Variants in BICD1 observed in about 807,000 individuals in gnomAD.
The protein encoded by BICD1 is BICD cargo adaptor 1, also known as protein bicaudal D homolog 1.
BICD1 carries 35 observed loss-of-function variants against 92.5 expected under a neutral mutation model. That is an observed-to-expected ratio of 0.38 (90% CI 0.29 to 0.50). The LOEUF is 0.50. Among genes scored for constraint, BICD1 ranks in the 20% least tolerant of loss-of-function variants. The probability of loss-of-function intolerance (pLI) is 0.93; values close to 1 mark genes in which losing one functional copy is unlikely to be tolerated. For missense variants in BICD1, 950 were observed against 1,189.8 expected (o/e 0.80, Z 2.97); for synonymous variants, 429 against 465.1 (o/e 0.92, Z 1.00).
intron 1 of BICD1, among the ~76,000 whole-genome samples, chr12:32,138,839 A>G (rs1255407186): frequency 6.6e-6 from 1 of 152,188 alleles, no homozygotes; most frequent in Non-Finnish European, 1.5e-5. Flanking sequence ...GCATCTGTAT[A>G]TGTATGTGTT....
chr12:32,197,391 T>A (rs1592458206), intron 1 of BICD1, among the ~76,000 whole-genome samples: 1 of 152,200 alleles, frequency 6.6e-6, no homozygotes, highest in Admixed American at 6.5e-5. Context: ...ATTGGCAGGG[T>A]TATGAGTTGG....
rs567735221 is a variant in BICD1 at position 32,232,512 on chromosome 12, C to T, written c.426+16053C>T. Among the ~76,000 whole-genome samples the T allele has an allele frequency of 3.1e-4, 46 of 148,474 alleles. 1 individual carries two copies. In the East Asian group the frequency reaches 8.1e-3, roughly 26 times the overall value. Reference sequence around the variant, plus strand: ...AGCCCTTTGTCAGATGAGTAGGTTGCGAAAATTTTCTCCCATTTTGTAGGT... The same window carrying T: ...AGCCCTTTGTCAGATGAGTAGGTTGTGAAAATTTTCTCCCATTTTGTAGGT... On this transcript the variant is annotated intron_variant, in intron 2 of 9. Coordinates refer to ENST00000652176, the MANE Select transcript of BICD1 (RefSeq NM_001714.4).
In BICD1 at chr12:32,297,293, C is replaced by T. The variant is rs546059585; in HGVS notation, c.579+3147C>T. On this transcript the variant is annotated intron_variant, in intron 3 of 9. Coordinates refer to ENST00000652176, the MANE Select transcript of BICD1 (RefSeq NM_001714.4). ...CTTAATCTCGGCTCACTGCAACCTC[C>T]GCCTCCTGGTCTTGTGACTCGGCCT... Among the ~76,000 whole-genome samples the T allele has an allele frequency of 2.6e-4, 40 of 152,256 alleles. No individual in the cohort carries two copies. The South Asian group carries it at 6.4e-3, about 24-fold the overall frequency.
intron 1 of BICD1, among the ~76,000 whole-genome samples, chr12:32,120,891 GAGAGAA>G (rs145032032): frequency 0.37 from 21,371 of 58,380 alleles, 2,768 homozygotes; most frequent in African/African-American, 0.55. Flanking sequence ...GAGAGAGAGA[GAGAGAA>G]AAAAAAAAGG....
At chr12:32,344,348 G>A (rs1235530120) in intron 8 of BICD1, among the ~76,000 whole-genome samples, 33 of 152,168 alleles carry the variant, frequency 2.2e-4, no homozygotes, top group South Asian at 2.1e-4. Flanking sequence ...AATAGAAAGC[G>A]AGGCTGCAAA....
intron 4 of BICD1, among the ~76,000 whole-genome samples, chr12:32,324,121 G>A (rs916059826): frequency 1.6e-5 from 2 of 128,672 alleles, no homozygotes; most frequent in Non-Finnish European, 3.5e-5. Context: ...ACGAGGTCAG[G>A]AGTTCGAGAC....
intron 2 of BICD1, among the ~76,000 whole-genome samples, chr12:32,288,289 T>C (rs1387954779): frequency 6.8e-6 from 1 of 147,836 alleles, no homozygotes; most frequent in East Asian, 2.0e-4. Flanking sequence ...TGGAGTGTAG[T>C]GGCATGATCA....
chr12:32,205,171 C>T (rs553247909), intron 1 of BICD1, among the ~76,000 whole-genome samples: 1 of 152,118 alleles, frequency 6.6e-6, no homozygotes, highest in Non-Finnish European at 1.5e-5. Flanking sequence ...GACTTGTTAA[C>T]TTTTTTGGAC....
At chr12:32,314,636 G>A (rs1948454957) in intron 4 of BICD1, among the ~76,000 whole-genome samples, 1 of 152,138 alleles carries the variant, frequency 6.6e-6, no homozygotes, top group Non-Finnish European at 1.5e-5. Context: ...TGAGTTGAAA[G>A]TGTTCTTTAC....
intron 1 of BICD1, among the ~76,000 whole-genome samples, chr12:32,138,793 G>A (rs953078971): frequency 1.3e-5 from 2 of 152,080 alleles, no homozygotes; most frequent in African/African-American, 2.4e-5. Flanking sequence ...AACTATGATG[G>A]GTTTACTAGG....
At chr12:32,333,084 TC>T (rs1425092900) in intron 5 of BICD1, 1 of 984,644 alleles carries the variant, frequency 1.0e-6, no homozygotes, top group Non-Finnish European at 1.2e-6. Flanking sequence ...TCTTCTGTTA[TC>T]CCCCATTTTA....
At chr12:32,235,497 T>G (rs1946037048) in intron 2 of BICD1, among the ~76,000 whole-genome samples, 1 of 152,104 alleles carries the variant, frequency 6.6e-6, no homozygotes, top group African/African-American at 2.4e-5. Context: ...GCCACAAAAT[T>G]AAACACAGGC....
In BICD1 at chr12:32,234,994, C is replaced by T. The variant is rs779467056; in HGVS notation, c.426+18535C>T. ...GCCACTGTTGCCAGCCTAAACATCT[C>T]GTCTGAGGCTATCACAATATATACT... On this transcript the variant is annotated intron_variant, in intron 2 of 9. Transcript: ENST00000652176. Among the ~76,000 whole-genome samples, 6 of 152,240 alleles carry T rather than the reference C, an allele frequency of 3.9e-5. No individual in the cohort carries two copies. In the South Asian group the frequency reaches 6.2e-4, roughly 16 times the overall value.
chr12:32,375,821 A>G (rs1939932491), intron 9 of BICD1, among the ~76,000 whole-genome samples: 2 of 152,168 alleles, frequency 1.3e-5, no homozygotes, highest in African/African-American at 4.8e-5. Context: ...AAAGATAAAA[A>G]TTATTTAATA....
chr12:32,200,097 C>T (rs1490999231), intron 1 of BICD1, among the ~76,000 whole-genome samples: 1 of 152,158 alleles, frequency 6.6e-6, no homozygotes, highest in Non-Finnish European at 1.5e-5. Flanking sequence ...GCTATTATGT[C>T]CACGTTCCAA....
intron 8 of BICD1, among the ~76,000 whole-genome samples, chr12:32,364,537 A>G (rs1939454727): frequency 6.6e-6 from 1 of 152,202 alleles, no homozygotes. Flanking sequence ...AGTCAGAGCA[A>G]TGTAGCTACA....
At chr12:32,163,132 G>T (rs1943647558) in intron 1 of BICD1, among the ~76,000 whole-genome samples, 1 of 152,124 alleles carries the variant, frequency 6.6e-6, no homozygotes, top group African/African-American at 2.4e-5. Context: ...TCTGAGGATT[G>T]TTCCAGTATT....
chr12:32,305,878 A>G lies in BICD1; in HGVS notation c.761A>G (p.Gln254Arg), dbSNP rs1040356579. 8.7e-6 allele frequency: 14 copies of G among 1,614,114 alleles called. No individual in the cohort carries two copies. Among genetic ancestry groups the G allele is most frequent in the Non-Finnish European group, 1.1e-5 (13 of 1,180,040 alleles). The change falls in exon 4 of 10, where the codon CAG (glutamine) becomes CGG (arginine). Residue 254 changes from glutamine to arginine, a missense_variant. Physicochemically the swap from Gln to Arg is conservative, Grantham distance 43. Around this residue, in one of 5 missense-constraint regions of BICD1, gnomAD observed 246 missense variants for 258.4 expected, o/e 0.95. Coordinates refer to ENST00000652176, the MANE Select transcript of BICD1 (RefSeq NM_001714.4). ...AACAACCTGCGGAAGGAGCTCTCCCAGTATATCAGCCTCAATGATAACCAT... is the reference window on the plus strand; with the variant it reads ...AACAACCTGCGGAAGGAGCTCTCCCGGTATATCAGCCTCAATGATAACCAT... Reference protein sequence around the residue: ...QKNNLRKELSQYISLNDNHIS... With the variant: ...QKNNLRKELSRYISLNDNHIS...
chr12:32,338,915 C>G lies in BICD1; in HGVS notation c.2700C>G (p.Ser900=), dbSNP rs763509557. 2 of 1,608,172 alleles carry G rather than the reference C, an allele frequency of 1.2e-6. No homozygotes were observed. The highest frequency in any genetic ancestry group is 1.7e-5 in the Admixed American group (1 of 58,984). ...CATTTCTTCTGAAGGGCCCCCCTTC[C>G]ATGAGTGAATTCATCCAAGGGCACC... The part of the protein sequence containing the change: ...TESFLLKGPP[S]MSEFIQGHRL... The change falls in exon 8 of 10, where the codon TCC becomes TCG. Residue 900 remains serine, a synonymous_variant. Coordinates refer to ENST00000652176, the MANE Select transcript of BICD1 (RefSeq NM_001714.4).
Sources: gnomAD v4.1 joint callset for allele counts (sites outside exome capture counted in the v4.1 genomes callset) on GRCh38, gnomAD v4.1.1 for gene constraint, gnomAD v4.1.1 regional missense constraint, MANE v1.5 for transcripts, NCBI Gene and HGNC (gene_info 2026-07-23, HGNC 2026-07-21) for gene names.